The following MIGA2 variants were observed in gnomAD, a reference collection of about 807,000 sequenced individuals.
The protein encoded by MIGA2 is family with sequence similarity 73, member B.
A neutral mutation model predicts 69.9 loss-of-function variants in MIGA2; 36 were observed. The ratio of observed to expected loss-of-function variants is 0.52; its 90% CI spans 0.39 to 0.68. The LOEUF (loss-of-function observed/expected upper bound fraction) is 0.68, where lower values mean the gene tolerates loss of function less well. Ranked by LOEUF, MIGA2 falls within the 30% of genes least tolerant of loss-of-function variation. The pLI, the probability that MIGA2 is intolerant of heterozygous loss-of-function variation, is 0.00. For synonymous variants in MIGA2, 333 were observed against 349.2 expected, an observed-to-expected ratio of 0.95 and a Z score of 0.52; for missense variants, 660 against 787.7, an observed-to-expected ratio of 0.84 and a Z score of 1.94.
intron 6 of MIGA2, among the ~76,000 whole-genome samples, chr9:129,053,198 C>G (rs940005521): frequency 1.6e-4 from 25 of 152,168 alleles, no homozygotes; most frequent in African/African-American, 6.0e-4. Context: ...GGCGCCAGCA[C>G]CAGCTGTTCA....
chr9:129,060,665 G>T lies in MIGA2; in HGVS notation c.894+15G>T. ...CCGCCACCGAGGTGACTCGGGGTGG[G>T]GACCAAGCCTGGGGTGGGGTGAAGG... On this transcript the variant is annotated intron_variant, in intron 8 of 15. Transcript: ENST00000684074. This position sits in a 1 kb window ranked among gnomAD's most constrained non-coding sequence, Gnocchi z 4.8. The T allele has an allele frequency of 6.4e-7, 1 of 1,565,822 alleles. No homozygotes were observed. Among genetic ancestry groups the T allele is most frequent in the Middle Eastern group, 1.7e-4 (1 of 5,982 alleles).
intron 11 of MIGA2, among the ~76,000 whole-genome samples, chr9:129,064,275 C>T (rs1207124474): frequency 3.3e-5 from 5 of 151,566 alleles, no homozygotes; most frequent in African/African-American, 4.9e-5. Context: ...GGCATGATCT[C>T]GGCTCACTGC....
chr9:129,062,978 G>A (rs1057371216), intron 9 of MIGA2, among the ~76,000 whole-genome samples: 1 of 152,228 alleles, frequency 6.6e-6, no homozygotes, highest in Non-Finnish European at 1.5e-5. Context: ...GGCTGGTTGT[G>A]GCCTAAGGAG....
chr9:129,069,362 G>A lies in MIGA2; in HGVS notation c.1458+233G>A, dbSNP rs1231227036. 3.4e-6 allele frequency: 2 copies of A among 596,484 alleles called. No homozygotes were observed. Among genetic ancestry groups the A allele is most frequent in the East Asian group, 2.8e-5 (1 of 35,618 alleles). The allele number at this position is 596,484 out of a possible 1,614,324, so 36.9% of individuals were successfully genotyped here. A position where few individuals can be genotyped will look rare whatever the true frequency, so the allele number is the denominator to read the frequency against. Reference sequence around the variant, plus strand: ...AGAGCAGGCCACTGGGGAGGGGAACGGATACCCTAGGGTAGTGGCCACAGG... The same window carrying A: ...AGAGCAGGCCACTGGGGAGGGGAACAGATACCCTAGGGTAGTGGCCACAGG... On this transcript the variant is annotated intron_variant, in intron 14 of 15. Coordinates refer to ENST00000684074, the MANE Select transcript of MIGA2 (RefSeq NM_001329990.2). The surrounding 1 kb of genome is among the most constrained non-coding windows in gnomAD (Gnocchi z 4.9).
chr9:129,058,738 T>C (rs1170049983), intron 6 of MIGA2, among the ~76,000 whole-genome samples: 1 of 152,134 alleles, frequency 6.6e-6, no homozygotes, highest in Non-Finnish European at 1.5e-5. Context: ...GACCTTGTGA[T>C]CTGCCCACCT....
At chr9:129,057,224 A>G (rs1343292147) in intron 6 of MIGA2, among the ~76,000 whole-genome samples, 1 of 152,068 alleles carries the variant, frequency 6.6e-6, no homozygotes, top group Non-Finnish European at 1.5e-5. Flanking sequence ...ATTCAGGCAG[A>G]TATCCTTTCT....
Position 129,069,146 on chromosome 9 carries a change from C to A in MIGA2, c.1458+17C>A. ...CTGCTGATGGTGAGTGACTGGCAGG[C>A]CCGGGGGAGCACGAGCTGGGCTCTG... On this transcript the variant is annotated intron_variant, in intron 14 of 15. Transcript: ENST00000684074. The surrounding 1 kb of genome is among the most constrained non-coding windows in gnomAD (Gnocchi z 4.9). The A allele has an allele frequency of 6.2e-7, 1 of 1,613,526 alleles. No individual in the cohort carries two copies. Among genetic ancestry groups the A allele is most frequent in the South Asian group, 1.1e-5 (1 of 91,080 alleles).
At chr9:129,051,983 G>A (rs1335824412) in intron 6 of MIGA2, among the ~76,000 whole-genome samples, 2 of 151,902 alleles carry the variant, frequency 1.3e-5, no homozygotes, top group African/African-American at 4.8e-5. Context: ...CTACCACCAC[G>A]CCCAGCTAAT....
chr9:129,042,447 A>AG lies in MIGA2; in HGVS notation c.244dup (p.Glu82GlyfsTer46). 1 of 1,611,058 alleles carries AG rather than the reference A, an allele frequency of 6.2e-7. No individual in the cohort carries two copies. Among genetic ancestry groups the AG allele is most frequent in the Admixed American group, 1.7e-5 (1 of 59,648 alleles). On this transcript the variant is annotated frameshift_variant, in exon 3 of 16. Coordinates refer to ENST00000684074, the MANE Select transcript of MIGA2 (RefSeq NM_001329990.2). LOFTEE classifies it high-confidence loss of function. ...AGAAGCAGGTTGGTCCCGAGATGGG[A>AG]GGGGAGCAGCTGGGCACGGTGCCCC... is the stretch of plus-strand genomic sequence containing the variant.
chr9:129,043,604 C>T (rs2131344578), intron 3 of MIGA2, among the ~76,000 whole-genome samples: 1 of 151,968 alleles, frequency 6.6e-6, no homozygotes. Context: ...CCAGGCTGCT[C>T]TCGAACTCCT....
intron 15 of MIGA2, 78 bp from the exon 16 acceptor site, chr9:129,070,169 A>C (rs1846594415): frequency 1.3e-6 from 2 of 1,517,502 alleles, no homozygotes; most frequent in Non-Finnish European, 1.8e-6. Flanking sequence ...GTGGTGGACA[A>C]GGGGACTTCA....
chr9:129,067,730 G>T, intron 11 of MIGA2, 43 bp from the exon 12 acceptor site: 1 of 1,559,890 alleles, frequency 6.4e-7, no homozygotes, highest in South Asian at 1.2e-5. Flanking sequence ...TGTCCCTGTG[G>T]GTCTTGTCCA....
chr9:129,055,078 T>C (rs1845725500), intron 6 of MIGA2, among the ~76,000 whole-genome samples: 1 of 146,080 alleles, frequency 6.8e-6, no homozygotes, highest in African/African-American at 2.6e-5. Context: ...TTTTTTTCTT[T>C]TCTTTTTTTT....
chr9:129,051,218 G>A (rs1413751541), intron 6 of MIGA2: 1 of 160,352 alleles, frequency 6.2e-6, no homozygotes, highest in Non-Finnish European at 1.3e-5. Flanking sequence ...CTTTTTTGGG[G>A]ACTTTTTGGG....
chr9:129,059,111 G>A lies in MIGA2; in HGVS notation c.676-43G>A. On this transcript the variant is annotated intron_variant, in intron 6 of 15. Coordinates refer to ENST00000684074, the MANE Select transcript of MIGA2 (RefSeq NM_001329990.2). This position sits in a 1 kb window ranked among gnomAD's most constrained non-coding sequence, Gnocchi z 5.6. ...TGAGGGAAGGGGCCATTTTCATCGG[G>A]AGCTTTGAGGGTCTGGGTTGAGGGT... is the stretch of plus-strand genomic sequence containing the variant. 6.3e-7 allele frequency: 1 copy of A among 1,574,874 alleles called. No homozygotes were observed. Among genetic ancestry groups the A allele is most frequent in the Middle Eastern group, 1.7e-4 (1 of 5,956 alleles).
In MIGA2 at chr9:129,070,188, G is replaced by C. The variant is rs572859033; in HGVS notation, c.1576-59G>C. On this transcript the variant is annotated intron_variant, in intron 15 of 15. Transcript: ENST00000684074. ...TGGACAAGGGGACTTCAGGTAACCT[G>C]GGGGGCATCATGGTGGGCAGTGGCT... The C allele has an allele frequency of 6.5e-5, 103 of 1,574,472 alleles. No homozygotes were observed. In the African/African-American group the frequency reaches 1.1e-3, roughly 17 times the overall value.
chr9:129,049,552 C>A, intron 5 of MIGA2, 54 bp downstream of exon 5: 2 of 1,556,468 alleles, frequency 1.3e-6, no homozygotes, highest in Non-Finnish European at 1.8e-6. Context: ...CAGGAACAGT[C>A]CCTTCCTAGG....
chr9:129,058,502 T>C (rs551034966), intron 6 of MIGA2, among the ~76,000 whole-genome samples: 10 of 146,450 alleles, frequency 6.8e-5, no homozygotes, highest in Non-Finnish European at 1.1e-4. Flanking sequence ...CTTTCTTTTT[T>C]TTTTTTTTTT....
chr9:129,062,521 G>A, intron 9 of MIGA2, among the ~76,000 whole-genome samples: 1 of 134,178 alleles, frequency 7.5e-6, no homozygotes. Context: ...AACAGAGCGA[G>A]ACTCCATCTC....
Sources: allele counts gnomAD v4.1 joint callset (sites outside exome capture counted in the v4.1 genomes callset), GRCh38; gene constraint gnomAD v4.1.1; non-coding constraint Gnocchi (gnomAD v3.1); transcripts MANE v1.5; gene names NCBI Gene and HGNC (gene_info 2026-07-23, HGNC 2026-07-21).